The following CHD6 variants were observed in gnomAD, a reference collection of about 807,000 sequenced individuals.
The protein encoded by CHD6 is chromodomain helicase DNA binding protein 6.
A neutral mutation model predicts 276.9 loss-of-function variants in CHD6; 50 were observed. That is an observed-to-expected ratio of 0.18 (90% CI 0.14 to 0.23). CHD6 has a LOEUF of 0.23. Ranked by LOEUF, CHD6 falls within the 10% of genes least tolerant of loss-of-function variation. The probability of loss-of-function intolerance (pLI) is 1.00; values close to 1 mark genes in which losing one functional copy is unlikely to be tolerated. For synonymous variants in CHD6, 1,173 were observed against 1,229.3 expected, an observed-to-expected ratio of 0.95 and a Z score of 0.96; for missense variants, 2,564 against 3,365.8, an observed-to-expected ratio of 0.76 and a Z score of 5.89.
In CHD6 at chr20:41,551,317, T is replaced by G; in HGVS notation, c.21A>C (p.Lys7Asn). MKMKIQ[K>N]KEKQLSNLKV... is the part of the protein sequence containing the mutation. ...AGTGATCACTTACCTGCTTCTCTTTTTTCTGTATTTTCATTTTCATCTATT... is the reference window on the plus strand; with the variant it reads ...AGTGATCACTTACCTGCTTCTCTTTGTTCTGTATTTTCATTTTCATCTATT... The change falls in exon 2 of 37, where the codon AAA (lysine) becomes AAC (asparagine). Residue 7 changes from lysine (K) to asparagine (N), a missense_variant. Physicochemically the swap from Lys to Asn is moderately conservative, Grantham distance 94. This residue lies in a region of CHD6 where 286 missense variants were observed against 297.8 expected (regional missense o/e 0.96). Coordinates refer to ENST00000373233, the MANE Select transcript of CHD6 (RefSeq NM_032221.5). The G allele has an allele frequency of 6.7e-7, 1 of 1,484,242 alleles. No homozygotes were observed. Among genetic ancestry groups the G allele is most frequent in the Non-Finnish European group, 9.3e-7 (1 of 1,070,896 alleles). 91.9% of individuals were successfully genotyped at this position (1,484,242 alleles called of 1,614,324 possible).
chr20:41,595,675 C>T (rs1198384572), intron 1 of CHD6, among the ~76,000 whole-genome samples: 3 of 152,112 alleles, frequency 2.0e-5, no homozygotes, highest in African/African-American at 4.8e-5. Context: ...TCTAATAGCC[C>T]TCCAGGTCTC....
At chr20:41,464,099 G>A (rs934427486) in intron 17 of CHD6, among the ~76,000 whole-genome samples, 1 of 152,088 alleles carries the variant, frequency 6.6e-6, no homozygotes, top group Non-Finnish European at 1.5e-5. Context: ...TGGATAAAGG[G>A]TACACTGGAG....
rs1489210792 is a variant in CHD6 at position 41,404,930 on chromosome 20, CTAG to C, written c.7808_7810del (p.Thr2603del). The C allele has an allele frequency of 1.1e-5, 17 of 1,614,088 alleles. No individual in the cohort carries two copies. The highest frequency in any genetic ancestry group is 1.4e-5 in the Non-Finnish European group (17 of 1,180,044). On this transcript the variant is annotated inframe_deletion, in exon 37 of 37. Coordinates refer to ENST00000373233, the MANE Select transcript of CHD6 (RefSeq NM_032221.5). ...AAATGGGTTAAAAGCCACAGGACTACTAGTAGTTATTGCAGGTTCAGACTGATC... is the reference window on the plus strand; with the variant it reads ...AAATGGGTTAAAAGCCACAGGACTACTAGTTATTGCAGGTTCAGACTGATC...
chr20:41,479,927 C>T (rs6065362), intron 16 of CHD6, among the ~76,000 whole-genome samples: 33,314 of 152,004 alleles, frequency 0.22, 7,009 homozygotes, highest in African/African-American at 0.54. Flanking sequence ...ACTAAGAATC[C>T]TACAGGCTTC....
chr20:41,582,884 C>G (rs950344033), intron 1 of CHD6, among the ~76,000 whole-genome samples: 5 of 152,022 alleles, frequency 3.3e-5, no homozygotes, highest in African/African-American at 1.2e-4. Flanking sequence ...TCTACACAGT[C>G]AAGGAAGTAA....
At chr20:41,555,143 G>A (rs2045207226) in intron 1 of CHD6, among the ~76,000 whole-genome samples, 1 of 139,280 alleles carries the variant, frequency 7.2e-6, no homozygotes, top group African/African-American at 2.8e-5. Flanking sequence ...CGGGGCGGCT[G>A]GCCGGGCAGA....
intron 1 of CHD6, among the ~76,000 whole-genome samples, chr20:41,558,762 T>C (rs1428351397): frequency 1.3e-5 from 2 of 152,116 alleles, no homozygotes; most frequent in Admixed American, 6.5e-5. Context: ...AGTTACTCTT[T>C]CCTCATTTCA....
chr20:41,425,537 A>G (rs1028050814), intron 28 of CHD6, 143 bp from the exon 29 acceptor site: 20 of 836,254 alleles, frequency 2.4e-5, no homozygotes, highest in Non-Finnish European at 2.8e-5. Context: ...GCCCAGGAGC[A>G]AGGCATGACT....
chr20:41,452,950 T>C lies in CHD6; in HGVS notation c.3121-8A>G. The C allele has an allele frequency of 6.2e-7, 1 of 1,610,210 alleles. No homozygotes were observed. The highest frequency in any genetic ancestry group is 1.1e-5 in the South Asian group (1 of 90,980). ...GTCGATCACTAAGCTTTCCTAGAAA[T>C]GGAGAGGACTACTGGGAAGAAAGTC... On this transcript the variant is annotated splice_polypyrimidine_tract_variant and splice_region_variant and intron_variant, in intron 20 of 36. Transcript: ENST00000373233. This position sits in a 1 kb window ranked among gnomAD's most constrained non-coding sequence, Gnocchi z 4.2.
chr20:41,609,919 C>T (rs1228883477), intron 1 of CHD6, among the ~76,000 whole-genome samples: 2 of 147,438 alleles, frequency 1.4e-5, no homozygotes, highest in African/African-American at 2.5e-5. Context: ...GGCAGTGGCA[C>T]GACCTTGGCT....
chr20:41,564,572 T>C (rs2045335760), intron 1 of CHD6, among the ~76,000 whole-genome samples: 1 of 152,166 alleles, frequency 6.6e-6, no homozygotes, highest in Non-Finnish European at 1.5e-5. Context: ...CTGTTCTATA[T>C]CTTGATTGTG....
intron 1 of CHD6, among the ~76,000 whole-genome samples, chr20:41,569,739 TAAA>T (rs1178980242): frequency 6.6e-6 from 1 of 152,210 alleles, no homozygotes; most frequent in East Asian, 1.9e-4. Context: ...TTTAAAAATA[TAAA>T]AATACAACTT....
chr20:41,439,987 C>T lies in CHD6; in HGVS notation c.4007+13G>A, dbSNP rs750055364. 43 of 1,613,232 alleles carry T rather than the reference C, an allele frequency of 2.7e-5. No homozygotes were observed. The Middle Eastern group carries it at 5.1e-4, about 19-fold the overall frequency. On this transcript the variant is annotated intron_variant, in intron 26 of 36. Transcript: ENST00000373233. ...GGCATGTCACATGAGGGCTGGCCTA[C>T]GTGGCTTCTCACCTTTCAGGAATGT...
chr20:41,562,173 CTTCT>C (rs1469427756), intron 1 of CHD6, among the ~76,000 whole-genome samples: 1 of 151,306 alleles, frequency 6.6e-6, no homozygotes, highest in Admixed American at 6.6e-5. Flanking sequence ...TCTTTCAAGC[CTTCT>C]TTTTTCTTTA....
Position 41,455,751 on chromosome 20 carries a change from T to A in CHD6, c.3009+49A>T, listed in dbSNP as rs77471867. 7.5e-6 allele frequency: 9 copies of A among 1,204,404 alleles called. No homozygotes were observed. The African/African-American group carries it at 1.4e-4, about 19-fold the overall frequency. The allele number at this position is 1,204,404 out of a possible 1,614,324, so 74.6% of individuals were successfully genotyped here. ...GCTAATGGGTTTCAGAGAATAAACA[T>A]TTTTTTTTCTCTCCCACCCCCAACA... On this transcript the variant is annotated intron_variant, in intron 19 of 36. Coordinates refer to ENST00000373233, the MANE Select transcript of CHD6 (RefSeq NM_032221.5).
In CHD6 at chr20:41,404,396, T is replaced by C. The variant is rs2046610013; in HGVS notation, c.*197A>G. The C allele has an allele frequency of 1.6e-6, 2 of 1,279,582 alleles. No homozygotes were observed. The highest frequency in any genetic ancestry group is 9.9e-7 in the Non-Finnish European group (1 of 1,015,144). 79.3% of individuals were successfully genotyped at this position (1,279,582 alleles called of 1,614,324 possible). A position where few individuals can be genotyped will look rare whatever the true frequency, so the allele number is the denominator to read the frequency against. ...AGAATTCTGTGCCTCCTAGACTAGG[T>C]AGACAACACTTATCTAATGAAGTGG... On this transcript the variant is annotated 3_prime_UTR_variant, in exon 37 of 37. Coordinates refer to ENST00000373233, the MANE Select transcript of CHD6 (RefSeq NM_032221.5).
chr20:41,413,007 C>G (rs2046888411), intron 35 of CHD6, among the ~76,000 whole-genome samples: 2 of 152,104 alleles, frequency 1.3e-5, no homozygotes, highest in Admixed American at 1.3e-4. Flanking sequence ...GTTTATGCAA[C>G]CTAAAGATTT....
chr20:41,575,319 T>G (rs2045462990), intron 1 of CHD6, among the ~76,000 whole-genome samples: 2 of 152,252 alleles, frequency 1.3e-5, no homozygotes, highest in Admixed American at 6.5e-5. Flanking sequence ...TTGTACATTT[T>G]GTTCAATTCT....
At chr20:41,512,654 T>C (rs2044148811) in intron 5 of CHD6, among the ~76,000 whole-genome samples, 192 bp downstream of exon 5, 1 of 152,034 alleles carries the variant, frequency 6.6e-6, no homozygotes, top group Non-Finnish European at 1.5e-5. Context: ...GAGAGTGTGA[T>C]CGTGGAGGGT....
Sources: gnomAD v4.1 joint callset for allele counts (sites outside exome capture counted in the v4.1 genomes callset) on GRCh38, gnomAD v4.1.1 for gene constraint, gnomAD v4.1.1 regional missense constraint, Gnocchi (gnomAD v3.1) non-coding constraint, MANE v1.5 for transcripts, NCBI Gene and HGNC (gene_info 2026-07-23, HGNC 2026-07-21) for gene names.